Variants in UBXN10 observed in about 807,000 individuals in gnomAD.
The protein encoded by UBXN10 is UBX domain protein 10, also known as UBX domain-containing protein 10.
Under a neutral mutation model 6.9 loss-of-function variants are expected in UBXN10, and 6 were observed. The ratio of observed to expected loss-of-function variants is 0.87; its 90% CI spans 0.48 to 1.72. The LOEUF is 1.72. UBXN10 is among the 40% of genes most tolerant of loss of function. The probability of loss-of-function intolerance (pLI) is 0.01; values close to 1 mark genes in which losing one functional copy is unlikely to be tolerated. For synonymous variants in UBXN10, 131 were observed against 135.2 expected (o/e 0.97, Z 0.21); for missense variants, 317 against 348.4 (o/e 0.91, Z 0.72).
chr1:20,193,910 G>T lies in UBXN10; in HGVS notation c.*2506G>T, dbSNP rs147389812. ...CTAGCACACTCCTCTTGGTGGCTTTGGGTGGGTCAGCCTTGCCCAGTTTGG... is the reference window on the plus strand; with the variant it reads ...CTAGCACACTCCTCTTGGTGGCTTTTGGTGGGTCAGCCTTGCCCAGTTTGG... On this transcript the variant is annotated 3_prime_UTR_variant, in exon 2 of 2. Coordinates refer to ENST00000375099, the MANE Select transcript of UBXN10 (RefSeq NM_152376.5). The T allele has an allele frequency of 3.0e-5, 5 of 167,212 alleles. No individual in the cohort carries two copies. The highest frequency in any genetic ancestry group is 4.8e-5 in the African/African-American group (2 of 41,566). 10.4% of individuals were successfully genotyped at this position (167,212 alleles called of 1,614,324 possible). A position where few individuals can be genotyped will look rare whatever the true frequency, so the allele number is the denominator to read the frequency against.
intron 1 of UBXN10, among the ~76,000 whole-genome samples, chr1:20,186,906 G>A (rs2018408823): frequency 6.6e-6 from 1 of 151,954 alleles, no homozygotes; most frequent in Admixed American, 6.6e-5. Context: ...GGGTTGGGGG[G>A]GGCGGGATGG....
upstream of UBXN10, chr1:20,184,258 A>C (rs181776551): frequency 6.6e-6 from 1 of 152,290 alleles, no homozygotes; most frequent in Non-Finnish European, 1.5e-5. Flanking sequence ...TCTCCAAAGG[A>C]TTGTATAATT....
upstream of UBXN10, among the ~76,000 whole-genome samples, chr1:20,184,942 CCAAGACT>C (rs2018341185): frequency 6.6e-6 from 1 of 151,808 alleles, no homozygotes; most frequent in East Asian, 1.9e-4. Context: ...TCACTTGAGC[CCAAGACT>C]TCAAGACCAC....
In UBXN10 at chr1:20,191,877, C is replaced by G. The variant is rs2018508835; in HGVS notation, c.*473C>G. ...AACTATCTAACTGGCATTTGTGTTT[C>G]TTGCGAGTATTTTGAAGAAACAGGC... On this transcript the variant is annotated 3_prime_UTR_variant, in exon 2 of 2. Coordinates refer to ENST00000375099, the MANE Select transcript of UBXN10 (RefSeq NM_152376.5). The surrounding 1 kb of genome is among the most constrained non-coding windows in gnomAD (Gnocchi z 4.5). 5.9e-6 allele frequency: 1 copy of G among 169,558 alleles called. No homozygotes were observed. The highest frequency in any genetic ancestry group is 1.4e-5 in the Non-Finnish European group (1 of 69,822). The allele number at this position is 169,558 out of a possible 1,614,324, so 10.5% of individuals were successfully genotyped here.
chr1:20,187,310 G>A lies in UBXN10; in HGVS notation c.-16+1157G>A, dbSNP rs921410161. 2.3e-4 allele frequency among the ~76,000 whole-genome samples: 35 copies of A among 152,204 alleles called. No individual in the cohort carries two copies. Among genetic ancestry groups the A allele is most frequent in the African/African-American group, 8.4e-4 (35 of 41,454 alleles). On this transcript the variant is annotated intron_variant, in intron 1 of 1. Coordinates refer to ENST00000375099, the MANE Select transcript of UBXN10 (RefSeq NM_152376.5). This position sits in a 1 kb window ranked among gnomAD's most constrained non-coding sequence, Gnocchi z 4.6. ...TATTCAGCTTGGCAGCTTGATAGAT[G>A]CCTACGCCTAGATCTTGTCAAATCG... is the stretch of plus-strand genomic sequence containing the variant.
chr1:20,188,503 A>G (rs186196925), intron 1 of UBXN10, among the ~76,000 whole-genome samples: 2 of 152,372 alleles, frequency 1.3e-5, no homozygotes, highest in South Asian at 2.1e-4. Flanking sequence ...TTACATGTGC[A>G]GAATGGTGAG....
upstream of UBXN10, among the ~76,000 whole-genome samples, chr1:20,185,165 G>A (rs186530622): frequency 1.3e-5 from 2 of 152,240 alleles, no homozygotes; most frequent in African/African-American, 4.8e-5. Flanking sequence ...AAGAAGAAAG[G>A]AGGGAGAGAG....
At position 20,191,634 on chromosome 1, in the gene UBXN10, C is replaced by A; in HGVS notation, c.*230C>A. ...TCCATTCTCTCCACCACCAGCGTAACTGGCAAGTTACCAAGGTTGTTCCTG... is the reference window on the plus strand; with the variant it reads ...TCCATTCTCTCCACCACCAGCGTAAATGGCAAGTTACCAAGGTTGTTCCTG... On this transcript the variant is annotated 3_prime_UTR_variant, in exon 2 of 2. Coordinates refer to ENST00000375099, the MANE Select transcript of UBXN10 (RefSeq NM_152376.5). This position sits in a 1 kb window ranked among gnomAD's most constrained non-coding sequence, Gnocchi z 4.5. 1.8e-6 allele frequency: 1 copy of A among 561,220 alleles called. No homozygotes were observed. Among genetic ancestry groups the A allele is most frequent in the East Asian group, 3.3e-5 (1 of 30,420 alleles). 34.8% of individuals were successfully genotyped at this position (561,220 alleles called of 1,614,324 possible). A position where few individuals can be genotyped will look rare whatever the true frequency, so the allele number is the denominator to read the frequency against.
intron 1 of UBXN10, chr1:20,186,587 C>T (rs2018398099): frequency 6.6e-6 from 1 of 152,402 alleles, no homozygotes; most frequent in African/African-American, 2.4e-5. Context: ...CTTTCTCGCC[C>T]CTCCCCCAGA....
chr1:20,189,266 T>G (rs117788762), intron 1 of UBXN10, among the ~76,000 whole-genome samples: 2 of 151,612 alleles, frequency 1.3e-5, no homozygotes, highest in Non-Finnish European at 2.9e-5. Flanking sequence ...AGAGGCCAGG[T>G]CAGCTTTCAA....
chr1:20,190,506 A>T, intron 1 of UBXN10, 41 bp from the exon 2 acceptor site: 1 of 1,552,826 alleles, frequency 6.4e-7, no homozygotes, highest in East Asian at 2.3e-5. Context: ...AGTCCCAGGA[A>T]GTTTAACCCA....
chr1:20,192,480 A>C lies in UBXN10; in HGVS notation c.*1076A>C, dbSNP rs1010818715. The C allele has an allele frequency of 1.2e-5, 2 of 167,116 alleles. No individual in the cohort carries two copies. Among genetic ancestry groups the C allele is most frequent in the Admixed American group, 1.3e-4 (2 of 15,284 alleles). The allele number at this position is 167,116 out of a possible 1,614,324, so 10.4% of individuals were successfully genotyped here. A position where few individuals can be genotyped will look rare whatever the true frequency, so the allele number is the denominator to read the frequency against. On this transcript the variant is annotated 3_prime_UTR_variant, in exon 2 of 2. Transcript: ENST00000375099. ...CATCTGGTTGACCGGCATGAAGTAC[A>C]TCAGCCTGTCTTAGCCTGAGCTGCT...
rs559760153 is a variant in UBXN10, at chr1:20,187,699, G to A, written c.-16+1546G>A. 2.6e-5 allele frequency among the ~76,000 whole-genome samples: 4 copies of A among 152,338 alleles called. No homozygotes were observed. In the East Asian group the frequency reaches 7.7e-4, roughly 29 times the overall value. ...AGTCATAATTGAGGTTTTTCTCTGA[G>A]ATAGCTCACAGTCATGTTATCTTAT... is the stretch of plus-strand genomic sequence containing the variant. On this transcript the variant is annotated intron_variant, in intron 1 of 1. Coordinates refer to ENST00000375099, the MANE Select transcript of UBXN10 (RefSeq NM_152376.5). The surrounding 1 kb of genome is among the most constrained non-coding windows in gnomAD (Gnocchi z 4.6).
rs888461874 is a variant in UBXN10, at chr1:20,194,570, C to T, written c.*3166C>T. 9 of 167,188 alleles carry T rather than the reference C, an allele frequency of 5.4e-5. No homozygotes were observed. The highest frequency in any genetic ancestry group is 1.7e-4 in the African/African-American group (7 of 41,556). The allele number at this position is 167,188 out of a possible 1,614,324, so 10.4% of individuals were successfully genotyped here. ...TCATTCCAATTAATAACCTTAAAGACTAGAGCCAGATCCACCTGCATTACA... is the reference window on the plus strand; with the variant it reads ...TCATTCCAATTAATAACCTTAAAGATTAGAGCCAGATCCACCTGCATTACA... On this transcript the variant is annotated 3_prime_UTR_variant, in exon 2 of 2. Transcript: ENST00000375099.
At chr1:20,183,716 C>T (rs2018314975), upstream of UBXN10, among the ~76,000 whole-genome samples, 1 of 152,116 alleles carries the variant, frequency 6.6e-6, no homozygotes, top group African/African-American at 2.4e-5. Context: ...CTTGAAGGAT[C>T]AGTCATTTTG....
chr1:20,191,562 A>G lies in UBXN10; in HGVS notation c.*158A>G. On this transcript the variant is annotated 3_prime_UTR_variant, in exon 2 of 2. Transcript: ENST00000375099. This position sits in a 1 kb window ranked among gnomAD's most constrained non-coding sequence, Gnocchi z 4.5. ...CACTGCGTGTCCTCTGAAGCAGTGA[A>G]GTCTGTGCCTATGCCGAGCGCGCTA... 3.4e-6 allele frequency: 4 copies of G among 1,182,914 alleles called. No individual in the cohort carries two copies. The South Asian group carries it at 6.5e-5, about 19-fold the overall frequency. 73.3% of individuals were successfully genotyped at this position (1,182,914 alleles called of 1,614,324 possible). A position where few individuals can be genotyped will look rare whatever the true frequency, so the allele number is the denominator to read the frequency against.
At chr1:20,184,225 A>ACACT (rs1476527413), upstream of UBXN10, 136 of 152,470 alleles carry the variant, frequency 8.9e-4, 3 homozygotes, top group East Asian at 0.023. Flanking sequence ...ACACACACAC[A>ACACT]CACGGTGAGA....
Position 20,186,907 on chromosome 1 carries a change from G to A in UBXN10, c.-16+754G>A, listed in dbSNP as rs192110457. ...CCTGGTGGGGGTGTGGGTTGGGGGGGGCGGGATGGCAACGGATAGGATTAA... is the reference window on the plus strand; with the variant it reads ...CCTGGTGGGGGTGTGGGTTGGGGGGAGCGGGATGGCAACGGATAGGATTAA... On this transcript the variant is annotated intron_variant, in intron 1 of 1. Transcript: ENST00000375099. Among the ~76,000 whole-genome samples the A allele has an allele frequency of 3.4e-3, 517 of 151,974 alleles. 3 individuals carry two copies. Among genetic ancestry groups the A allele is most frequent in the African/African-American group, 0.012 (487 of 41,448 alleles).
rs1425749839 is a variant in UBXN10, at chr1:20,194,460, T to C, written c.*3056T>C. The C allele has an allele frequency of 6.0e-6, 1 of 167,084 alleles. No homozygotes were observed. The highest frequency in any genetic ancestry group is 6.5e-5 in the Admixed American group (1 of 15,286). The allele number at this position is 167,084 out of a possible 1,614,324, so 10.4% of individuals were successfully genotyped here. On this transcript the variant is annotated 3_prime_UTR_variant, in exon 2 of 2. Transcript: ENST00000375099. The stretch of plus-strand genomic sequence containing the variant: ...GGGCACTCCTGCGGAAGAGATGGCT[T>C]GTGAACATGACTGTGGACCCAGAGT...
Sources: gnomAD v4.1 joint callset for allele counts (sites outside exome capture counted in the v4.1 genomes callset) on GRCh38, gnomAD v4.1.1 for gene constraint, Gnocchi (gnomAD v3.1) non-coding constraint, MANE v1.5 for transcripts, NCBI Gene and HGNC (gene_info 2026-07-23, HGNC 2026-07-21) for gene names.